ABHD17A: variants seen among roughly 807,000 people sequenced by gnomAD.
The protein encoded by ABHD17A is alpha/beta hydrolase domain-containing protein 17A.
ABHD17A carries 10 observed loss-of-function variants against 26.8 expected under a neutral mutation model. The observed-to-expected ratio is 0.37, with a 90% CI of 0.23 to 0.63. The LOEUF is 0.63. Among genes scored for constraint, ABHD17A ranks in the 30% least tolerant of loss-of-function variants. The pLI is 0.61. For synonymous variants in ABHD17A, 167 were observed against 210.9 expected (o/e 0.79, Z 1.80); for missense variants, 292 against 457.3 (o/e 0.64, Z 3.30).
rs564507326 is a variant in ABHD17A at position 1,880,183 on chromosome 19, C to T, written c.333-68G>A. The T allele has an allele frequency of 4.1e-4, 637 of 1,556,432 alleles. No homozygotes were observed. The highest frequency in any genetic ancestry group is 5.2e-4 in the Non-Finnish European group (593 of 1,140,644). ...CGCCCAGCTGCAGGGCAGGAGGATG[C>T]GTAGTGACAGCCCACCCCGGTGGCC... On this transcript the variant is annotated intron_variant, in intron 2 of 4. Transcript: ENST00000292577. This position sits in a 1 kb window ranked among gnomAD's most constrained non-coding sequence, Gnocchi z 4.1.
intron 1 of ABHD17A, among the ~76,000 whole-genome samples, chr19:1,884,059 T>G (rs545077361): frequency 6.6e-6 from 1 of 152,186 alleles, no homozygotes; most frequent in South Asian, 2.1e-4. Flanking sequence ...CCAACCACCC[T>G]TTGCACCTCA....
Position 1,879,486 on chromosome 19 carries a change from A to T in ABHD17A, c.527+435T>A. 2 of 253,262 alleles carry T rather than the reference A, an allele frequency of 7.9e-6. No individual in the cohort carries two copies. The highest frequency in any genetic ancestry group is 1.6e-5 in the Non-Finnish European group (2 of 127,398). The allele number at this position is 253,262 out of a possible 1,614,324, so 15.7% of individuals were successfully genotyped here. On this transcript the variant is annotated intron_variant, in intron 3 of 4. Coordinates refer to ENST00000292577, the MANE Select transcript of ABHD17A (RefSeq NM_001130111.2). This position sits in a 1 kb window ranked among gnomAD's most constrained non-coding sequence, Gnocchi z 7.6. The stretch of plus-strand genomic sequence containing the variant: ...CCCAGGATGGCCAAGCTCCGCAGCC[A>T]CAGGGCCTCATGGGCCAGTCCTCCG...
intron 1 of ABHD17A, among the ~76,000 whole-genome samples, chr19:1,884,317 T>C (rs1326792168): frequency 6.6e-6 from 1 of 152,118 alleles, no homozygotes; most frequent in Non-Finnish European, 1.5e-5. Context: ...AGGGAAAGTC[T>C]AGTCTCCTCT....
chr19:1,880,187 G>C lies in ABHD17A; in HGVS notation c.333-72C>G. ...CAGCTGCAGGGCAGGAGGATGCGTA[G>C]TGACAGCCCACCCCGGTGGCCAGCC... On this transcript the variant is annotated intron_variant, in intron 2 of 4. Transcript: ENST00000292577. The surrounding 1 kb of genome is among the most constrained non-coding windows in gnomAD (Gnocchi z 4.1). The C allele has an allele frequency of 6.5e-7, 1 of 1,543,502 alleles. No individual in the cohort carries two copies. Among genetic ancestry groups the C allele is most frequent in the East Asian group, 2.3e-5 (1 of 43,518 alleles).
In ABHD17A at chr19:1,880,215, G is replaced by A. The variant is rs568755831; in HGVS notation, c.333-100C>T. ...ACAGCCCACCCCGGTGGCCAGCCAT[G>A]CCCAGTGCCTCATTTACTCCCCTCC... On this transcript the variant is annotated intron_variant, in intron 2 of 4. Transcript: ENST00000292577. This position sits in a 1 kb window ranked among gnomAD's most constrained non-coding sequence, Gnocchi z 4.1. 3.1e-6 allele frequency: 4 copies of A among 1,291,790 alleles called. No homozygotes were observed. Among genetic ancestry groups the A allele is most frequent in the South Asian group, 1.3e-5 (1 of 74,092 alleles). 80.0% of individuals were successfully genotyped at this position (1,291,790 alleles called of 1,614,324 possible). A position where few individuals can be genotyped will look rare whatever the true frequency, so the allele number is the denominator to read the frequency against.
intron 1 of ABHD17A, 88 bp from the exon 2 acceptor site, chr19:1,881,892 A>G (rs2012549663): frequency 7.0e-6 from 2 of 286,232 alleles, no homozygotes; most frequent in Non-Finnish European, 6.5e-6. Context: ...CACCCGTGCC[A>G]GGGGGCGGCA....
rs1366726164 is a variant in ABHD17A, at chr19:1,879,741, T to C, written c.527+180A>G. 3.2e-6 allele frequency: 2 copies of C among 620,838 alleles called. No homozygotes were observed. Among genetic ancestry groups the C allele is most frequent in the Admixed American group, 2.9e-5 (1 of 34,310 alleles). The allele number at this position is 620,838 out of a possible 1,614,324, so 38.5% of individuals were successfully genotyped here. ...GGACCGCCTGGCCACACCTCAGCCA[T>C]GTGGAGGCGGCACCTGCACACCCAA... is the stretch of plus-strand genomic sequence containing the variant. On this transcript the variant is annotated intron_variant, in intron 3 of 4. Transcript: ENST00000292577. This position sits in a 1 kb window ranked among gnomAD's most constrained non-coding sequence, Gnocchi z 7.6.
Position 1,879,707 on chromosome 19 carries a change from G to A in ABHD17A, c.527+214C>T, listed in dbSNP as rs1429973222. The stretch of plus-strand genomic sequence containing the variant: ...CAGGGAACCTGGCTCCACAGGCCAG[G>A]GTGTGGGAGGACCGCCTGGCCACAC... On this transcript the variant is annotated intron_variant, in intron 3 of 4. Transcript: ENST00000292577. The surrounding 1 kb of genome is among the most constrained non-coding windows in gnomAD (Gnocchi z 7.6). The A allele has an allele frequency of 2.2e-5, 13 of 584,764 alleles. No homozygotes were observed. Among genetic ancestry groups the A allele is most frequent in the African/African-American group, 1.9e-5 (1 of 52,916 alleles). 36.2% of individuals were successfully genotyped at this position (584,764 alleles called of 1,614,324 possible).
In ABHD17A at chr19:1,880,701, C is replaced by T. The variant is rs1432302173; in HGVS notation, c.332+534G>A. Among the ~76,000 whole-genome samples the T allele has an allele frequency of 1.3e-5, 2 of 152,202 alleles. No homozygotes were observed. The highest frequency in any genetic ancestry group is 2.9e-5 in the Non-Finnish European group (2 of 68,028). On this transcript the variant is annotated intron_variant, in intron 2 of 4. Transcript: ENST00000292577. The surrounding 1 kb of genome is among the most constrained non-coding windows in gnomAD (Gnocchi z 4.1). Reference sequence around the variant, plus strand: ...TCATGCAGCCCCTCCTGGCCCACCACCCTGCCCAAGCCCCAAGGCTGTGCT... The same window carrying T: ...TCATGCAGCCCCTCCTGGCCCACCATCCTGCCCAAGCCCCAAGGCTGTGCT...
At position 1,880,573 on chromosome 19, in the gene ABHD17A, G is replaced by C. The variant is rs2145392405; in HGVS notation, c.333-458C>G. On this transcript the variant is annotated intron_variant, in intron 2 of 4. Coordinates refer to ENST00000292577, the MANE Select transcript of ABHD17A (RefSeq NM_001130111.2). This position sits in a 1 kb window ranked among gnomAD's most constrained non-coding sequence, Gnocchi z 4.1. The stretch of plus-strand genomic sequence containing the variant: ...GGGGAGCCCATGCTGCTGCTGGCAG[G>C]GCTATCTCCCCTCACCTCACAGAAT... Among the ~76,000 whole-genome samples the C allele has an allele frequency of 6.6e-6, 1 of 152,290 alleles. No homozygotes were observed. Among genetic ancestry groups the C allele is most frequent in the African/African-American group, 2.4e-5 (1 of 41,562 alleles).
Position 1,877,251 on chromosome 19 carries a change from C to T in ABHD17A, c.882G>A (p.Leu294=). 2 of 1,544,798 alleles carry T rather than the reference C, an allele frequency of 1.3e-6. No homozygotes were observed. Among genetic ancestry groups the T allele is most frequent in the Non-Finnish European group, 1.7e-6 (2 of 1,149,506 alleles). ...GGGAGATGAAGCGACGCAGGCGCTC[C>T]AGGTACTGGCTGTAGAGCTCGATGT... ...HNDIELYSQY[L]ERLRRFISQE... is the part of the protein sequence containing the mutation. Residue 294 remains leucine (L), a synonymous_variant, in exon 5 of 5, where the codon CTG becomes CTA. Coordinates refer to ENST00000292577, the MANE Select transcript of ABHD17A (RefSeq NM_001130111.2).
In ABHD17A at chr19:1,881,435, C is replaced by A. The variant is rs770766843; in HGVS notation, c.132G>T (p.Gly44=). The A allele has an allele frequency of 2.5e-6, 4 of 1,602,122 alleles. No individual in the cohort carries two copies. In the African/African-American group the frequency reaches 5.3e-5, roughly 21 times the overall value. ...AGGGGGCGGCCCCGGCCCCACCAGGCCCCGGCTCGGGCTCAGGCACCAGGG... is the reference window on the plus strand; with the variant it reads ...AGGGGGCGGCCCCGGCCCCACCAGGACCCGGCTCGGGCTCAGGCACCAGGG... The part of the protein sequence containing the change: ...TYSLVPEPEP[G]PGGAGAAPLG... Residue 44 remains glycine, a synonymous_variant, in exon 2 of 5, where the codon GGG becomes GGT. Transcript: ENST00000292577.
Position 1,879,866 on chromosome 19 carries a change from G to A in ABHD17A, c.527+55C>T, listed in dbSNP as rs555824745. On this transcript the variant is annotated intron_variant, in intron 3 of 4. Coordinates refer to ENST00000292577, the MANE Select transcript of ABHD17A (RefSeq NM_001130111.2). This position sits in a 1 kb window ranked among gnomAD's most constrained non-coding sequence, Gnocchi z 7.6. ...AGGGAAGCCCGCCCCCCGGCCCCCC[G>A]CCTGGTCCCCTCTTGGGTGTGCCCA... 5.3e-5 allele frequency: 80 copies of A among 1,512,532 alleles called. No homozygotes were observed. The highest frequency in any genetic ancestry group is 5.0e-4 in the South Asian group (42 of 83,446). 93.7% of individuals were successfully genotyped at this position (1,512,532 alleles called of 1,614,324 possible). A position where few individuals can be genotyped will look rare whatever the true frequency, so the allele number is the denominator to read the frequency against.
At chr19:1,877,716 G>C in intron 3 of ABHD17A, 29 bp from the exon 4 acceptor site, 1 of 1,584,342 alleles carries the variant, frequency 6.3e-7, no homozygotes, top group South Asian at 1.1e-5. Context: ...GGTCAGCCGC[G>C]GCCTCCGACG....
intron 1 of ABHD17A, chr19:1,883,912 G>C (rs2012607336): frequency 6.5e-6 from 1 of 152,860 alleles, no homozygotes; most frequent in African/African-American, 2.4e-5. Flanking sequence ...TTCCGGCTCA[G>C]GCCGACCTCT....
chr19:1,884,401 C>T (rs913677210), intron 1 of ABHD17A, among the ~76,000 whole-genome samples: 1 of 152,144 alleles, frequency 6.6e-6, no homozygotes, highest in Non-Finnish European at 1.5e-5. Flanking sequence ...CAAACCCAGA[C>T]GCCTCACTCA....
chr19:1,884,279 C>T (rs2012615531), intron 1 of ABHD17A, among the ~76,000 whole-genome samples: 1 of 152,150 alleles, frequency 6.6e-6, no homozygotes, highest in Admixed American at 6.6e-5. Flanking sequence ...GGAAAAGAAT[C>T]CCCAAGGTCC....
chr19:1,883,736 C>G, intron 1 of ABHD17A: 1 of 152,738 alleles, frequency 6.5e-6, no homozygotes, highest in Non-Finnish European at 1.5e-5. Flanking sequence ...CAGCAACAGC[C>G]TCCCTCCTTG....
chr19:1,877,481 G>A (rs1006459704), intron 4 of ABHD17A, 27 bp downstream of exon 4: 1 of 1,580,142 alleles, frequency 6.3e-7, no homozygotes, highest in Admixed American at 1.7e-5. Flanking sequence ...GCCCCGCCCC[G>A]CCCCCGTCCC....
Sources: gnomAD v4.1 joint callset for allele counts (sites outside exome capture counted in the v4.1 genomes callset) on GRCh38, gnomAD v4.1.1 for gene constraint, Gnocchi (gnomAD v3.1) non-coding constraint, MANE v1.5 for transcripts, NCBI Gene and HGNC (gene_info 2026-07-23, HGNC 2026-07-21) for gene names.